DIP2B: variants seen among roughly 807,000 people sequenced by gnomAD.
DIP2B encodes disco-interacting protein 2 homolog B.
DIP2B carries 76 observed loss-of-function variants against 198.0 expected under a neutral mutation model. The ratio of observed to expected loss-of-function variants is 0.38; its 90% CI spans 0.32 to 0.46. DIP2B has a LOEUF of 0.46. DIP2B is among the 20% of genes least tolerant of loss of function. The pLI, the probability that DIP2B is intolerant of heterozygous loss-of-function variation, is 0.99. For synonymous variants in DIP2B, 701 were observed against 739.1 expected, an observed-to-expected ratio of 0.95 and a Z score of 0.84; for missense variants, 1,559 against 1,978.4, an observed-to-expected ratio of 0.79 and a Z score of 4.02.
rs528120941 is a variant in DIP2B, at chr12:50,521,651, A to T, written c.100+16411A>T. Among the ~76,000 whole-genome samples, 337 of 150,678 alleles carry T rather than the reference A, an allele frequency of 2.2e-3. 4 individuals carry two copies. The highest frequency in any genetic ancestry group is 2.0e-3 in the Non-Finnish European group (135 of 67,678). ...AGAATTACAGGCACCTGTCACCATCACGCCCAGCTAATTTTTGTATTTTCA... is the reference window on the plus strand; with the variant it reads ...AGAATTACAGGCACCTGTCACCATCTCGCCCAGCTAATTTTTGTATTTTCA... On this transcript the variant is annotated intron_variant, in intron 1 of 37. Transcript: ENST00000301180.
rs1219066662 is a variant in DIP2B at position 50,622,599 on chromosome 12, T to C, written c.101-3377T>C. Among the ~76,000 whole-genome samples, 4 of 152,202 alleles carry C rather than the reference T, an allele frequency of 2.6e-5. No individual in the cohort carries two copies. In the East Asian group the frequency reaches 7.7e-4, roughly 29 times the overall value. ...TACACAGAAAAAAATTTTACATGTG[T>C]GCAAACACATTATTCCTTTTTTTTT... On this transcript the variant is annotated intron_variant, in intron 1 of 37. Coordinates refer to ENST00000301180, the MANE Select transcript of DIP2B (RefSeq NM_173602.3).
At chr12:50,605,023 A>C (rs1161873925) in intron 1 of DIP2B, among the ~76,000 whole-genome samples, 1 of 152,148 alleles carries the variant, frequency 6.6e-6, no homozygotes, top group Non-Finnish European at 1.5e-5. Context: ...TGAATTGCTT[A>C]AAGATTCTTA....
rs777888028 is a variant in DIP2B at position 50,739,441 on chromosome 12, C to T, written c.4209C>T (p.Gly1403=). Residue 1403 remains glycine (G), a synonymous_variant, in exon 36 of 38, where the codon GGC becomes GGT. Coordinates refer to ENST00000301180, the MANE Select transcript of DIP2B (RefSeq NM_173602.3). ...TGAACAGTCCCCATACAGCCAGCGG[C>T]TACTACACCATCTATGATAGCGAGA... ...IWVNSPHTAS[G]YYTIYDSETL... is the part of the protein sequence containing the mutation. 3.1e-6 allele frequency: 5 copies of T among 1,614,018 alleles called. No homozygotes were observed. The highest frequency in any genetic ancestry group is 1.1e-5 in the South Asian group (1 of 91,080).
chr12:50,544,650 G>A (rs1958359981), intron 1 of DIP2B, among the ~76,000 whole-genome samples: 1 of 136,782 alleles, frequency 7.3e-6, no homozygotes, highest in African/African-American at 2.8e-5. Context: ...TTGAGACGGA[G>A]TCTGTCACCC....
chr12:50,515,477 C>T lies in DIP2B; in HGVS notation c.100+10237C>T, dbSNP rs544072263. ...AACTCCTGACCTCGTGATCCGCCTG[C>T]CTTGGCCTCCAAAATGCTGGAATTA... is the stretch of plus-strand genomic sequence containing the variant. On this transcript the variant is annotated intron_variant, in intron 1 of 37. Transcript: ENST00000301180. 5.3e-5 allele frequency among the ~76,000 whole-genome samples: 8 copies of T among 152,258 alleles called. No homozygotes were observed. In the South Asian group the frequency reaches 1.7e-3, roughly 32 times the overall value.
chr12:50,531,747 T>C (rs1387646662), intron 1 of DIP2B, among the ~76,000 whole-genome samples: 1 of 152,142 alleles, frequency 6.6e-6, no homozygotes, highest in South Asian at 2.1e-4. Context: ...AGAAAGGAAG[T>C]AGCTAGGATA....
Position 50,698,295 on chromosome 12 carries a change from C to T in DIP2B, c.2049-33C>T, listed in dbSNP as rs756170564. 3 of 1,589,208 alleles carry T rather than the reference C, an allele frequency of 1.9e-6. No individual in the cohort carries two copies. In the Admixed American group the frequency reaches 5.4e-5, roughly 29 times the overall value. ...TTGTATTTTTCCCTTGATGTTATTT[C>T]ATTCACCAAACTTGATGGGTTCTTC... On this transcript the variant is annotated intron_variant, in intron 17 of 37. Transcript: ENST00000301180.
chr12:50,602,143 C>G (rs1182155050), intron 1 of DIP2B, among the ~76,000 whole-genome samples: 1 of 152,216 alleles, frequency 6.6e-6, no homozygotes, highest in Non-Finnish European at 1.5e-5. Context: ...CACCTCTTCC[C>G]TCTTACGAAT....
chr12:50,630,986 T>C (rs774041577), intron 2 of DIP2B, among the ~76,000 whole-genome samples: 1 of 152,146 alleles, frequency 6.6e-6, no homozygotes, highest in Non-Finnish European at 1.5e-5. Flanking sequence ...CCACTTCTTA[T>C]CTTACATTTT....
chr12:50,696,191 C>T (rs528424725), intron 16 of DIP2B, among the ~76,000 whole-genome samples: 1 of 152,190 alleles, frequency 6.6e-6, no homozygotes, highest in East Asian at 1.9e-4. Context: ...ATCAGTCACT[C>T]GCCATTTTTC....
chr12:50,560,569 G>T (rs1310996908), intron 1 of DIP2B, among the ~76,000 whole-genome samples: 1 of 151,348 alleles, frequency 6.6e-6, no homozygotes, highest in Non-Finnish European at 1.5e-5. Flanking sequence ...AAAAGAGAAA[G>T]CAAATAAAAA....
chr12:50,742,068 G>A (rs573917337), intron 37 of DIP2B, among the ~76,000 whole-genome samples: 26 of 151,938 alleles, frequency 1.7e-4, no homozygotes, highest in Admixed American at 4.6e-4. Flanking sequence ...ATAAAGGATC[G>A]TCCAACCACA....
intron 3 of DIP2B, among the ~76,000 whole-genome samples, chr12:50,645,664 G>A (rs566265286): frequency 6.6e-6 from 1 of 152,062 alleles, no homozygotes; most frequent in South Asian, 2.1e-4. Flanking sequence ...TCACTTTGTT[G>A]CCCACGCTGG....
intron 9 of DIP2B, among the ~76,000 whole-genome samples, chr12:50,682,428 G>A (rs1939056843): frequency 6.6e-6 from 1 of 152,052 alleles, no homozygotes; most frequent in African/African-American, 2.4e-5. Context: ...GATCGATCGA[G>A]ACCATCCTGG....
chr12:50,659,931 A>G lies in DIP2B; in HGVS notation c.302-263A>G, dbSNP rs551479624. ...CACCCACCTCCCCACATCTCTGTCAACTCTTTGTCTGGTGTGTTAAGGAGT... is the reference window on the plus strand; with the variant it reads ...CACCCACCTCCCCACATCTCTGTCAGCTCTTTGTCTGGTGTGTTAAGGAGT... On this transcript the variant is annotated intron_variant, in intron 3 of 37. Coordinates refer to ENST00000301180, the MANE Select transcript of DIP2B (RefSeq NM_173602.3). Among the ~76,000 whole-genome samples the G allele has an allele frequency of 9.2e-5, 14 of 151,548 alleles. No individual in the cohort carries two copies. In the South Asian group the frequency reaches 2.9e-3, roughly 32 times the overall value.
chr12:50,705,093 A>G (rs1939491145), intron 20 of DIP2B, among the ~76,000 whole-genome samples: 1 of 152,218 alleles, frequency 6.6e-6, no homozygotes, highest in Non-Finnish European at 1.5e-5. Flanking sequence ...GCAGAGATCT[A>G]GGTCATGGAG....
At chr12:50,731,703 C>T (rs546610043) in intron 31 of DIP2B, among the ~76,000 whole-genome samples, 166 bp downstream of exon 31, 24 of 152,332 alleles carry the variant, frequency 1.6e-4, no homozygotes, top group Middle Eastern at 6.8e-3. Context: ...ATCTCTTCCA[C>T]CTTCCTAATT....
chr12:50,691,536 T>C (rs1028624051), intron 13 of DIP2B, among the ~76,000 whole-genome samples: 2 of 152,222 alleles, frequency 1.3e-5, no homozygotes, highest in African/African-American at 4.8e-5. Flanking sequence ...ATGTATTCGA[T>C]ATTTTTGAAC....
At chr12:50,730,361 T>G (rs1229884400) in intron 30 of DIP2B, among the ~76,000 whole-genome samples, 1 of 116,862 alleles carries the variant, frequency 8.6e-6, no homozygotes, top group Non-Finnish European at 2.2e-5. Context: ...TCTTTTTTTG[T>G]TTCTTTCTTT....
Sources: gnomAD v4.1 joint callset for allele counts (sites outside exome capture counted in the v4.1 genomes callset) on GRCh38, gnomAD v4.1.1 for gene constraint, MANE v1.5 for transcripts, NCBI Gene and HGNC (gene_info 2026-07-23, HGNC 2026-07-21) for gene names.